Variants in TMEM108 observed in about 807,000 individuals in gnomAD.
TMEM108 encodes the protein cancer/testis antigen 124.
Under a neutral mutation model 35.1 loss-of-function variants are expected in TMEM108, and 12 were observed. The observed-to-expected ratio is 0.34, with a 90% CI of 0.22 to 0.55. The LOEUF (loss-of-function observed/expected upper bound fraction) is 0.55, where lower values mean the gene tolerates loss of function less well. TMEM108 is among the 20% of genes least tolerant of loss of function. TMEM108 has a pLI of 0.89. For missense variants in TMEM108, 680 were observed against 753.3 expected, an observed-to-expected ratio of 0.90 and a Z score of 1.14; for synonymous variants, 287 against 308.6, an observed-to-expected ratio of 0.93 and a Z score of 0.73.
intron 2 of TMEM108, among the ~76,000 whole-genome samples, chr3:133,165,601 AC>A (rs1945025643): frequency 6.6e-6 from 1 of 152,214 alleles, no homozygotes; most frequent in African/African-American, 2.4e-5. Flanking sequence ...TAAAAAACAC[AC>A]AGTTTATAAA....
intron 4 of TMEM108, chr3:133,386,521 C>A: frequency 6.5e-7 from 1 of 1,533,550 alleles, no homozygotes; most frequent in East Asian, 2.4e-5. Context: ...TCCTGTCACA[C>A]ATCTGACAAG....
chr3:133,312,347 C>G (rs1246400441), intron 3 of TMEM108, among the ~76,000 whole-genome samples: 1 of 152,236 alleles, frequency 6.6e-6, no homozygotes, highest in Non-Finnish European at 1.5e-5. Context: ...GAGATGGAGT[C>G]CTAGAGTCAG....
intron 2 of TMEM108, among the ~76,000 whole-genome samples, chr3:133,194,906 C>T (rs1045291634): frequency 9.2e-5 from 14 of 152,224 alleles, no homozygotes; most frequent in Admixed American, 5.2e-4. Context: ...GTCTGCCCCC[C>T]GGCACTAACA....
At position 133,045,716 on chromosome 3, in the gene TMEM108, G is replaced by A. The variant is rs560502426; in HGVS notation, c.-165-186G>A. ...GTGGGTACCTGGATCACTGCATTAG[G>A]TCCACCCCACCTACATATTCACCTG... On this transcript the variant is annotated intron_variant, in intron 1 of 5. Coordinates refer to ENST00000321871, the MANE Select transcript of TMEM108 (RefSeq NM_023943.4). Among the ~76,000 whole-genome samples the A allele has an allele frequency of 2.6e-5, 4 of 152,238 alleles. No individual in the cohort carries two copies. The South Asian group carries it at 8.3e-4, about 32-fold the overall frequency.
chr3:133,187,261 C>G (rs1018836873), intron 2 of TMEM108, among the ~76,000 whole-genome samples: 2 of 151,924 alleles, frequency 1.3e-5, no homozygotes, highest in African/African-American at 4.8e-5. Context: ...AGATTAAAAT[C>G]TTTTTGACAA....
chr3:133,375,497 CAA>C (rs1471904572), intron 3 of TMEM108, among the ~76,000 whole-genome samples: 1 of 152,172 alleles, frequency 6.6e-6, no homozygotes, highest in Non-Finnish European at 1.5e-5. Context: ...AAATAATATG[CAA>C]AGAGGCAGTA....
chr3:133,304,907 C>A (rs983203636), intron 3 of TMEM108, among the ~76,000 whole-genome samples: 1 of 151,960 alleles, frequency 6.6e-6, no homozygotes, highest in Non-Finnish European at 1.5e-5. Context: ...CATAGAGAAA[C>A]CTTCTCTCTA....
chr3:133,285,017 C>A (rs949901458), intron 3 of TMEM108, among the ~76,000 whole-genome samples: 1 of 151,220 alleles, frequency 6.6e-6, no homozygotes, highest in Non-Finnish European at 1.5e-5. Context: ...TTTATAATTT[C>A]TTTTTTCAAG....
chr3:133,314,111 TC>T (rs1323644958), intron 3 of TMEM108, among the ~76,000 whole-genome samples: 2 of 152,210 alleles, frequency 1.3e-5, no homozygotes, highest in Non-Finnish European at 2.9e-5. Context: ...GGAGCTGTGT[TC>T]CTGCAGGAAT....
At chr3:133,222,564 C>G (rs1946008392) in intron 2 of TMEM108, among the ~76,000 whole-genome samples, 1 of 151,878 alleles carries the variant, frequency 6.6e-6, no homozygotes, top group Non-Finnish European at 1.5e-5. Context: ...CTCTTCATTC[C>G]TTTTTATTAT....
chr3:133,219,181 C>T (rs1945952216), intron 2 of TMEM108, among the ~76,000 whole-genome samples: 1 of 152,030 alleles, frequency 6.6e-6, no homozygotes, highest in South Asian at 2.1e-4. Context: ...TAATTGTCCA[C>T]AGTAGTCTGT....
intron 2 of TMEM108, among the ~76,000 whole-genome samples, chr3:133,069,716 T>G (rs953801184): frequency 6.6e-6 from 1 of 152,130 alleles, no homozygotes; most frequent in Non-Finnish European, 1.5e-5. Context: ...TCTTAAGACT[T>G]TATATTTACC....
At chr3:133,369,840 G>C (rs1163370050) in intron 3 of TMEM108, among the ~76,000 whole-genome samples, 1 of 152,144 alleles carries the variant, frequency 6.6e-6, no homozygotes, top group East Asian at 1.9e-4. Flanking sequence ...TCTCACACCA[G>C]GGTGCTGGGA....
intron 3 of TMEM108, among the ~76,000 whole-genome samples, chr3:133,373,538 G>A (rs2370385): frequency 0.28 from 41,955 of 151,424 alleles, 6,448 homozygotes; most frequent in East Asian, 0.42. Context: ...GTGTGGCCAA[G>A]GTAAATCATT....
At chr3:133,089,427 C>T (rs1943921685) in intron 2 of TMEM108, among the ~76,000 whole-genome samples, 1 of 152,136 alleles carries the variant, frequency 6.6e-6, no homozygotes, top group Non-Finnish European at 1.5e-5. Flanking sequence ...AAAGAAAATG[C>T]ATATGAATCT....
chr3:133,051,618 T>A (rs924143256), intron 2 of TMEM108, among the ~76,000 whole-genome samples: 1 of 152,174 alleles, frequency 6.6e-6, no homozygotes, highest in Non-Finnish European at 1.5e-5. Context: ...TTTTCCTGTG[T>A]TATCTTCTAT....
At chr3:133,228,549 A>G (rs900170199) in intron 2 of TMEM108, among the ~76,000 whole-genome samples, 2 of 152,184 alleles carry the variant, frequency 1.3e-5, no homozygotes, top group African/African-American at 2.4e-5. Context: ...TTTGCCATGT[A>G]AAATAAAATT....
At chr3:133,198,854 C>A (rs1945618321) in intron 2 of TMEM108, among the ~76,000 whole-genome samples, 1 of 152,120 alleles carries the variant, frequency 6.6e-6, no homozygotes, top group Non-Finnish European at 1.5e-5. Context: ...GGGAAGTTCT[C>A]TTCCAGGAGT....
chr3:133,232,331 T>C (rs527296519), intron 3 of TMEM108, among the ~76,000 whole-genome samples: 1 of 152,182 alleles, frequency 6.6e-6, no homozygotes, highest in East Asian at 1.9e-4. Context: ...CAAGAGCTGG[T>C]TGTTTGAAAG....
Sources: allele counts gnomAD v4.1 joint callset (sites outside exome capture counted in the v4.1 genomes callset), GRCh38; gene constraint gnomAD v4.1.1; transcripts MANE v1.5; gene names NCBI Gene and HGNC (gene_info 2026-07-23, HGNC 2026-07-21).